The following GALNT18 variants were observed in gnomAD, a reference collection of about 807,000 sequenced individuals.
GALNT18 encodes GalNAc-transferase 18.
GALNT18 carries 44 observed loss-of-function variants against 69.5 expected under a neutral mutation model. That is an observed-to-expected ratio of 0.63 (90% CI 0.50 to 0.81). The LOEUF is 0.81. Ranked by LOEUF, GALNT18 falls within the 40% of genes least tolerant of loss-of-function variation. GALNT18 has a pLI of 0.00. For missense variants in GALNT18, 715 were observed against 810.0 expected (o/e 0.88, Z 1.42); for synonymous variants, 364 against 318.2 (o/e 1.14, Z -1.53).
chr11:11,316,927 C>T (rs1020220293), intron 9 of GALNT18, among the ~76,000 whole-genome samples: 1 of 152,164 alleles, frequency 6.6e-6, no homozygotes, highest in Non-Finnish European at 1.5e-5. Flanking sequence ...TAATGCTTGA[C>T]GTAAAATAAT....
rs935612189 is a variant in GALNT18 at position 11,541,634 on chromosome 11, C to T, written c.235+79725G>A. Among the ~76,000 whole-genome samples, 1 of 152,200 alleles carries T rather than the reference C, an allele frequency of 6.6e-6. No individual in the cohort carries two copies. On this transcript the variant is annotated intron_variant, in intron 1 of 10. Coordinates refer to ENST00000227756, the MANE Select transcript of GALNT18 (RefSeq NM_198516.3). This position sits in a 1 kb window ranked among gnomAD's most constrained non-coding sequence, Gnocchi z 4.8. ...CACAAATGCATCTCTGCCTTCAGATCTGATATCCAAGGCTCCCTCTCAAGG... is the reference window on the plus strand; with the variant it reads ...CACAAATGCATCTCTGCCTTCAGATTTGATATCCAAGGCTCCCTCTCAAGG...
intron 1 of GALNT18, among the ~76,000 whole-genome samples, chr11:11,460,594 C>T (rs1291170436): frequency 6.6e-6 from 1 of 152,216 alleles, no homozygotes; most frequent in Admixed American, 6.5e-5. Flanking sequence ...TTTCCTCCCT[C>T]GTACACTCAC....
intron 10 of GALNT18, among the ~76,000 whole-genome samples, chr11:11,292,600 G>C (rs774388673): frequency 2.6e-5 from 4 of 152,136 alleles, no homozygotes; most frequent in Non-Finnish European, 5.9e-5. Flanking sequence ...GAGACTGGGG[G>C]CTCCATCTCG....
rs1055500293 is a variant in GALNT18 at position 11,383,290 on chromosome 11, C to T, written c.596-4026G>A. 6.6e-6 allele frequency among the ~76,000 whole-genome samples: 1 copy of T among 152,322 alleles called. No homozygotes were observed. Among genetic ancestry groups the T allele is most frequent in the Admixed American group, 6.5e-5 (1 of 15,302 alleles). On this transcript the variant is annotated intron_variant, in intron 3 of 10. Coordinates refer to ENST00000227756, the MANE Select transcript of GALNT18 (RefSeq NM_198516.3). This position sits in a 1 kb window ranked among gnomAD's most constrained non-coding sequence, Gnocchi z 5.2. The stretch of plus-strand genomic sequence containing the variant: ...GCCCTTCTCCCTTCCTCATCTACCC[C>T]CTTCCACTGCTTCTATAAGAAGTTG...
Position 11,340,786 on chromosome 11 carries a change from C to T in GALNT18, c.1278+33G>A, listed in dbSNP as rs1317582598. ...TTGTTTTGTTTGTTTTCCACCAATC[C>T]CCGAGAAACTCATCCCTACCGGAGA... On this transcript the variant is annotated intron_variant, in intron 7 of 10. Transcript: ENST00000227756. The surrounding 1 kb of genome is among the most constrained non-coding windows in gnomAD (Gnocchi z 4.2). 7.7e-6 allele frequency: 12 copies of T among 1,564,534 alleles called. No homozygotes were observed. The highest frequency in any genetic ancestry group is 1.0e-5 in the Non-Finnish European group (12 of 1,151,864).
In GALNT18 at chr11:11,454,448, T is replaced by C. The variant is rs190098381; in HGVS notation, c.236-5512A>G. Among the ~76,000 whole-genome samples, 184 of 151,982 alleles carry C rather than the reference T, an allele frequency of 1.2e-3. 1 individual carries two copies. The highest frequency in any genetic ancestry group is 1.6e-3 in the Non-Finnish European group (109 of 67,938). On this transcript the variant is annotated intron_variant, in intron 1 of 10. Transcript: ENST00000227756. The surrounding 1 kb of genome is among the most constrained non-coding windows in gnomAD (Gnocchi z 4.2). Reference sequence around the variant, plus strand: ...GCATGGAGTAATTACCCCCAAAATATAGGGAGAAGGAAGATAAGGAGGGAG... The same window carrying C: ...GCATGGAGTAATTACCCCCAAAATACAGGGAGAAGGAAGATAAGGAGGGAG...
Position 11,327,053 on chromosome 11 carries a change from A to C in GALNT18, c.1512+33T>G. 2.0e-6 allele frequency: 3 copies of C among 1,484,288 alleles called. No individual in the cohort carries two copies. The South Asian group carries it at 3.4e-5, about 17-fold the overall frequency. 91.9% of individuals were successfully genotyped at this position (1,484,288 alleles called of 1,614,324 possible). On this transcript the variant is annotated intron_variant, in intron 9 of 10. Coordinates refer to ENST00000227756, the MANE Select transcript of GALNT18 (RefSeq NM_198516.3). ...CCCCATGCCAGGCACTCATATGCAC[A>C]CTCCTGGCACAGGAATCTCTTAGAG...
intron 1 of GALNT18, among the ~76,000 whole-genome samples, chr11:11,490,611 G>T (rs1247130223): frequency 6.6e-6 from 1 of 152,188 alleles, no homozygotes; most frequent in Non-Finnish European, 1.5e-5. Flanking sequence ...GGCCTATAGG[G>T]ACAGGTACTA....
chr11:11,517,307 G>A (rs1857303228), intron 1 of GALNT18, among the ~76,000 whole-genome samples: 3 of 152,220 alleles, frequency 2.0e-5, no homozygotes, highest in African/African-American at 7.2e-5. Context: ...AAGGCAATTA[G>A]ACAGCTCAAG....
At chr11:11,350,879 T>C (rs909874000) in intron 6 of GALNT18, among the ~76,000 whole-genome samples, 5 of 152,332 alleles carry the variant, frequency 3.3e-5, no homozygotes, top group African/African-American at 1.2e-4. Flanking sequence ...CCAGCCAGCC[T>C]TCAGGGGACT....
At chr11:11,550,676 G>A (rs1476489559) in intron 1 of GALNT18, among the ~76,000 whole-genome samples, 2 of 152,228 alleles carry the variant, frequency 1.3e-5, no homozygotes, top group Non-Finnish European at 2.9e-5. Flanking sequence ...GTCTGGAGCA[G>A]CATTATCCAA....
At position 11,448,162 on chromosome 11, in the gene GALNT18, T is replaced by A. The variant is rs1021225202; in HGVS notation, c.428+582A>T. On this transcript the variant is annotated intron_variant, in intron 2 of 10. Coordinates refer to ENST00000227756, the MANE Select transcript of GALNT18 (RefSeq NM_198516.3). Reference sequence around the variant, plus strand: ...TAAGCTCACTGTGGTTTGCAGCTTTTAAAAAAATGTAAAAATGAGGAGAAA... The same window carrying A: ...TAAGCTCACTGTGGTTTGCAGCTTTAAAAAAAATGTAAAAATGAGGAGAAA... Among the ~76,000 whole-genome samples, 3 of 151,214 alleles carry A rather than the reference T, an allele frequency of 2.0e-5. No individual in the cohort carries two copies. The East Asian group carries it at 5.9e-4, about 30-fold the overall frequency.
At position 11,584,766 on chromosome 11, in the gene GALNT18, G is replaced by A. The variant is rs763415440; in HGVS notation, c.235+36593C>T. On this transcript the variant is annotated intron_variant, in intron 1 of 10. Transcript: ENST00000227756. The surrounding 1 kb of genome is among the most constrained non-coding windows in gnomAD (Gnocchi z 4.1). ...ACAATCGAGGTGGACAATGAACTAC[G>A]TACTTTTTTCATGAAACACTATTTT... 2.0e-5 allele frequency among the ~76,000 whole-genome samples: 3 copies of A among 151,968 alleles called. No homozygotes were observed. The highest frequency in any genetic ancestry group is 2.9e-5 in the Non-Finnish European group (2 of 68,032).
At chr11:11,292,941 C>T in intron 10 of GALNT18, 88 bp downstream of exon 10, 2 of 1,229,348 alleles carry the variant, frequency 1.6e-6, no homozygotes, top group South Asian at 2.8e-5. Flanking sequence ...TCCCCTTCCC[C>T]TCTCCTCCAC....
chr11:11,277,650 T>A (rs527505307), intron 10 of GALNT18, among the ~76,000 whole-genome samples: 1 of 152,328 alleles, frequency 6.6e-6, no homozygotes, highest in Non-Finnish European at 1.5e-5. Context: ...GCTATACATT[T>A]CCCTCTACAA....
At position 11,541,650 on chromosome 11, in the gene GALNT18, C is replaced by T. The variant is rs1003422453; in HGVS notation, c.235+79709G>A. On this transcript the variant is annotated intron_variant, in intron 1 of 10. Coordinates refer to ENST00000227756, the MANE Select transcript of GALNT18 (RefSeq NM_198516.3). The surrounding 1 kb of genome is among the most constrained non-coding windows in gnomAD (Gnocchi z 4.8). ...CCTTCAGATCTGATATCCAAGGCTCCCTCTCAAGGGCCTCATGCTAGTAAG... is the reference window on the plus strand; with the variant it reads ...CCTTCAGATCTGATATCCAAGGCTCTCTCTCAAGGGCCTCATGCTAGTAAG... Among the ~76,000 whole-genome samples the T allele has an allele frequency of 1.3e-5, 2 of 152,172 alleles. No homozygotes were observed. Among genetic ancestry groups the T allele is most frequent in the African/African-American group, 4.8e-5 (2 of 41,436 alleles).
Position 11,590,230 on chromosome 11 carries a change from C to A in GALNT18, c.235+31129G>T, listed in dbSNP as rs1378876935. Among the ~76,000 whole-genome samples the A allele has an allele frequency of 2.0e-5, 3 of 152,202 alleles. No homozygotes were observed. Among genetic ancestry groups the A allele is most frequent in the Non-Finnish European group, 4.4e-5 (3 of 68,042 alleles). On this transcript the variant is annotated intron_variant, in intron 1 of 10. Coordinates refer to ENST00000227756, the MANE Select transcript of GALNT18 (RefSeq NM_198516.3). This position sits in a 1 kb window ranked among gnomAD's most constrained non-coding sequence, Gnocchi z 4.4. The stretch of plus-strand genomic sequence containing the variant: ...AATAAAATGTGGTGGAAATTAGGTG[C>A]TCCATGCGAGTCCTGGCTCATGGGC...
At chr11:11,414,304 G>C (rs1487123) in intron 3 of GALNT18, among the ~76,000 whole-genome samples, 16,821 of 152,222 alleles carry the variant, frequency 0.11, 1,075 homozygotes, top group African/African-American at 0.18. Context: ...TCAGCATTGT[G>C]TATTGCACTG....
chr11:11,315,111 T>C lies in GALNT18; in HGVS notation c.1512+11975A>G, dbSNP rs926633831. ...ACAGAAGTAAATGCATAAACAGATA[T>C]ATAAATATTATATATTAAGACATAA... On this transcript the variant is annotated intron_variant, in intron 9 of 10. Transcript: ENST00000227756. The surrounding 1 kb of genome is among the most constrained non-coding windows in gnomAD (Gnocchi z 5.6). Among the ~76,000 whole-genome samples the C allele has an allele frequency of 1.3e-5, 2 of 152,120 alleles. No individual in the cohort carries two copies. The highest frequency in any genetic ancestry group is 2.9e-5 in the Non-Finnish European group (2 of 68,014).
Sources: gnomAD v4.1 joint callset for allele counts (sites outside exome capture counted in the v4.1 genomes callset) on GRCh38, gnomAD v4.1.1 for gene constraint, Gnocchi (gnomAD v3.1) non-coding constraint, MANE v1.5 for transcripts, NCBI Gene and HGNC (gene_info 2026-07-23, HGNC 2026-07-21) for gene names.